The following MBD5 variants were observed in gnomAD, a reference collection of about 807,000 sequenced individuals.
MBD5 encodes methyl-CpG-binding domain protein 5.
MBD5 carries 13 observed loss-of-function variants against 117.3 expected under a neutral mutation model. The observed-to-expected ratio is 0.11, with a 90% CI of 0.07 to 0.18. The LOEUF (loss-of-function observed/expected upper bound fraction) is 0.18. MBD5 is among the 10% of genes least tolerant of loss of function. The probability of loss-of-function intolerance (pLI) is 1.00; values close to 1 mark genes in which losing one functional copy is unlikely to be tolerated. For missense variants in MBD5, 1,879 were observed against 2,093.8 expected, an observed-to-expected ratio of 0.90 and a Z score of 2.00; for synonymous variants, 727 against 766.4, an observed-to-expected ratio of 0.95 and a Z score of 0.85.
rs924064927 is a variant in MBD5, at chr2:148,039,865, C to T, written c.-925+18181C>T. Reference sequence around the variant, plus strand: ...CAGTTATGTTTCAAAATACCTGTTACTTAGTTTGAGAAAAAGTGACTTTGG... The same window carrying T: ...CAGTTATGTTTCAAAATACCTGTTATTTAGTTTGAGAAAAAGTGACTTTGG... On this transcript the variant is annotated intron_variant, in intron 1 of 13. Coordinates refer to ENST00000642680, the MANE Select transcript of MBD5 (RefSeq NM_001378120.1). Among the ~76,000 whole-genome samples the T allele has an allele frequency of 3.9e-5, 6 of 152,168 alleles. No individual in the cohort carries two copies. The East Asian group carries it at 1.2e-3, about 30-fold the overall frequency.
intron 3 of MBD5, among the ~76,000 whole-genome samples, chr2:148,246,278 C>T (rs533378053): frequency 2.0e-5 from 3 of 152,278 alleles, no homozygotes; most frequent in African/African-American, 7.2e-5. Context: ...ATATCGGAAT[C>T]CAGCACTCAT....
At chr2:148,267,404 A>G (rs746844500) in intron 3 of MBD5, among the ~76,000 whole-genome samples, 3 of 152,172 alleles carry the variant, frequency 2.0e-5, no homozygotes, top group Non-Finnish European at 2.9e-5. Flanking sequence ...AGATGTTTAC[A>G]TTTTTCTAAT....
In MBD5 at chr2:148,331,048, T is replaced by C. The variant is rs367626876; in HGVS notation, c.-679-11166T>C. ...CAACAGTGTCTGTTTTTGTCATGGT[T>C]ACCAAATAAAGTAGTGATGTTTACA... On this transcript the variant is annotated intron_variant, in intron 3 of 13. Transcript: ENST00000642680. 2.7e-4 allele frequency among the ~76,000 whole-genome samples: 41 copies of C among 152,304 alleles called. No homozygotes were observed. In the East Asian group the frequency reaches 7.1e-3, roughly 27 times the overall value.
chr2:148,087,127 C>T (rs2105202442), intron 1 of MBD5, among the ~76,000 whole-genome samples: 1 of 152,252 alleles, frequency 6.6e-6, no homozygotes, highest in Non-Finnish European at 1.5e-5. Context: ...GCTCCAGGAA[C>T]CACCACAGGA....
At chr2:148,207,324 A>G (rs1193721827) in intron 2 of MBD5, among the ~76,000 whole-genome samples, 2 of 152,186 alleles carry the variant, frequency 1.3e-5, no homozygotes, top group Non-Finnish European at 1.5e-5. Flanking sequence ...ACTTCTAAGC[A>G]GACATAATTA....
At chr2:148,256,870 C>T (rs1399410641) in intron 3 of MBD5, among the ~76,000 whole-genome samples, 1 of 152,246 alleles carries the variant, frequency 6.6e-6, no homozygotes, top group Admixed American at 6.5e-5. Flanking sequence ...AGCTCTGCTG[C>T]TATGGTACTT....
chr2:148,255,514 G>A (rs79634507), intron 3 of MBD5, among the ~76,000 whole-genome samples: 5,834 of 152,284 alleles, frequency 0.038, 158 homozygotes, highest in African/African-American at 0.072. Context: ...TGCTTGGAGG[G>A]TCCATGGCCA....
intron 3 of MBD5, among the ~76,000 whole-genome samples, chr2:148,255,845 G>A (rs181970224): frequency 9.2e-5 from 14 of 152,332 alleles, no homozygotes; most frequent in South Asian, 4.1e-4. Flanking sequence ...TATGGCACAC[G>A]GAATCTCCAC....
intron 1 of MBD5, among the ~76,000 whole-genome samples, chr2:148,133,950 T>C (rs999494843): frequency 3.9e-5 from 6 of 152,228 alleles, no homozygotes; most frequent in African/African-American, 1.4e-4. Flanking sequence ...GAAAAGTTAC[T>C]GTTCAAAACT....
At chr2:148,028,152 T>C (rs1693949665) in intron 1 of MBD5, 1 of 152,098 alleles carries the variant, frequency 6.6e-6, no homozygotes, top group Non-Finnish European at 1.5e-5. Context: ...AGTTGACCTA[T>C]ATAACCTTTT....
At chr2:148,273,241 T>C (rs1371106313) in intron 3 of MBD5, among the ~76,000 whole-genome samples, 2 of 152,174 alleles carry the variant, frequency 1.3e-5, no homozygotes, top group Non-Finnish European at 2.9e-5. Context: ...GGGAGGAATT[T>C]AGTTTACAGT....
At chr2:148,311,146 T>A (rs1228059629) in intron 3 of MBD5, among the ~76,000 whole-genome samples, 1 of 152,232 alleles carries the variant, frequency 6.6e-6, no homozygotes, top group Non-Finnish European at 1.5e-5. Flanking sequence ...GAGAGTTCTG[T>A]ACATGTCTAT....
chr2:148,401,017 T>C (rs1704904066), intron 4 of MBD5, among the ~76,000 whole-genome samples: 1 of 152,200 alleles, frequency 6.6e-6, no homozygotes, highest in Non-Finnish European at 1.5e-5. Flanking sequence ...CAATAATAAA[T>C]ATATCTGACT....
At chr2:148,047,996 A>G (rs180919055) in intron 1 of MBD5, among the ~76,000 whole-genome samples, 1 of 152,282 alleles carries the variant, frequency 6.6e-6, no homozygotes, top group Non-Finnish European at 1.5e-5. Flanking sequence ...ATAATTCCCA[A>G]CTTAAATATG....
At chr2:148,203,550 C>T (rs977905390) in intron 2 of MBD5, among the ~76,000 whole-genome samples, 4 of 152,112 alleles carry the variant, frequency 2.6e-5, no homozygotes, top group African/African-American at 9.7e-5. Context: ...TACCTAGCTA[C>T]CTATTTTCAA....
intron 3 of MBD5, among the ~76,000 whole-genome samples, chr2:148,245,777 A>G (rs937378193): frequency 2.6e-5 from 4 of 152,138 alleles, no homozygotes; most frequent in African/African-American, 9.7e-5. Context: ...TGGTGAAAAC[A>G]TTCTACTAAG....
intron 3 of MBD5, among the ~76,000 whole-genome samples, chr2:148,276,113 A>G (rs1411766085): frequency 1.3e-5 from 2 of 152,086 alleles, no homozygotes; most frequent in Non-Finnish European, 2.9e-5. Context: ...GGAGTTTGAG[A>G]CTAGCCTAGA....
intron 3 of MBD5, among the ~76,000 whole-genome samples, chr2:148,280,150 A>C (rs1050727448): frequency 1.5e-4 from 22 of 148,234 alleles, no homozygotes; most frequent in African/African-American, 5.6e-4. Flanking sequence ...AAAAAAAAAA[A>C]CAAAAAGAAA....
chr2:148,463,348 A>G (rs1300840486), intron 6 of MBD5, among the ~76,000 whole-genome samples: 3 of 152,206 alleles, frequency 2.0e-5, no homozygotes, highest in Admixed American at 6.5e-5. Context: ...ATATTAACGT[A>G]ATAATAAAAT....
Sources: gnomAD v4.1 joint callset for allele counts (sites outside exome capture counted in the v4.1 genomes callset) on GRCh38, gnomAD v4.1.1 for gene constraint, MANE v1.5 for transcripts, NCBI Gene and HGNC (gene_info 2026-07-23, HGNC 2026-07-21) for gene names.